DLD: variants seen among roughly 807,000 people sequenced by gnomAD.
DLD encodes dihydrolipoamide dehydrogenase.
A neutral mutation model predicts 62.2 loss-of-function variants in DLD; 36 were observed. The observed-to-expected ratio is 0.58, with a 90% CI of 0.44 to 0.76. The LOEUF is 0.76. Among genes scored for constraint, DLD ranks in the 30% least tolerant of loss-of-function variants. DLD has a pLI of 0.00. For synonymous variants in DLD, 204 were observed against 199.6 expected (o/e 1.02, Z -0.19); for missense variants, 541 against 608.6 (o/e 0.89, Z 1.17).
In DLD at chr7:107,891,300, A is replaced by C. The variant is rs2031564900; in HGVS notation, c.39+11A>C. On this transcript the variant is annotated intron_variant, in intron 1 of 13. Coordinates refer to ENST00000205402, the MANE Select transcript of DLD (RefSeq NM_000108.5). ...TGCTCCTTGGCCAAGGTGAGGGCCG[A>C]GTAGGTGAGGTCGTGTTGAGCCAGA... 6.2e-7 allele frequency: 1 copy of C among 1,613,884 alleles called. No homozygotes were observed. Among genetic ancestry groups the C allele is most frequent in the Non-Finnish European group, 8.5e-7 (1 of 1,179,902 alleles).
intron 5 of DLD, chr7:107,904,520 A>C: frequency 2.8e-6 from 1 of 361,270 alleles, no homozygotes; most frequent in South Asian, 2.2e-5. Flanking sequence ...TAGGTGATTA[A>C]ACTTTTTAAT....
In DLD at chr7:107,905,423, T is replaced by C; in HGVS notation, c.501T>C (p.Ala167=). 6.2e-7 allele frequency: 1 copy of C among 1,613,878 alleles called. No individual in the cohort carries two copies. The highest frequency in any genetic ancestry group is 8.5e-7 in the Non-Finnish European group (1 of 1,179,800). The change falls in exon 7 of 14, where the codon GCT becomes GCC. Residue 167 remains alanine, a synonymous_variant. Coordinates refer to ENST00000205402, the MANE Select transcript of DLD (RefSeq NM_000108.5). Reference sequence around the variant, plus strand: ...AAAATCAAGTCACTGCTACGAAAGCTGATGGCGGCACTCAGGTTATTGATA... The same window carrying C: ...AAAATCAAGTCACTGCTACGAAAGCCGATGGCGGCACTCAGGTTATTGATA... ...TGKNQVTATK[A]DGGTQVIDTK...
chr7:107,891,313 G>T, intron 1 of DLD, 24 bp downstream of exon 1: 1 of 1,613,870 alleles, frequency 6.2e-7, no homozygotes. Context: ...AGGTGAGGTC[G>T]TGTTGAGCCA....
rs1378589820 is a variant in DLD, at chr7:107,920,217, GACTGTTTATTTAAA to G, written c.*959_*972del. 3 of 152,290 alleles carry G rather than the reference GACTGTTTATTTAAA, an allele frequency of 2.0e-5. No homozygotes were observed. The highest frequency in any genetic ancestry group is 7.2e-5 in the African/African-American group (3 of 41,416). 9.4% of individuals were successfully genotyped at this position (152,290 alleles called of 1,614,324 possible). On this transcript the variant is annotated 3_prime_UTR_variant, in exon 14 of 14. Coordinates refer to ENST00000205402, the MANE Select transcript of DLD (RefSeq NM_000108.5). ...CTGTGTTTTCCTTGGCTGGGTTAAT[GACTGTTTATTTAAA>G]GAGTGTTGTAAAATTGGATGTGTGG... is the stretch of plus-strand genomic sequence containing the variant.
In DLD at chr7:107,919,377, T is replaced by C. The variant is rs2032354191; in HGVS notation, c.*118T>C. The C allele has an allele frequency of 4.9e-6, 4 of 816,232 alleles. No homozygotes were observed. The Admixed American group carries it at 6.7e-5, about 14-fold the overall frequency. The allele number at this position is 816,232 out of a possible 1,614,324, so 50.6% of individuals were successfully genotyped here. ...TTTCTAGGACTGAATTATGAAACTTTTGGAAGGTATTTAATAGGTTTGGAC... is the reference window on the plus strand; with the variant it reads ...TTTCTAGGACTGAATTATGAAACTTCTGGAAGGTATTTAATAGGTTTGGAC... On this transcript the variant is annotated 3_prime_UTR_variant, in exon 14 of 14. Transcript: ENST00000205402.
chr7:107,904,681 G>C (rs1225881618), intron 5 of DLD: 3 of 530,168 alleles, frequency 5.7e-6, no homozygotes, highest in Non-Finnish European at 1.1e-5. Context: ...CCATCGTAAA[G>C]TGTTCAGAGG....
In DLD at chr7:107,903,465, T is replaced by C; in HGVS notation, c.268-13T>C. 6.7e-7 allele frequency: 1 copy of C among 1,497,766 alleles called. No individual in the cohort carries two copies. Among genetic ancestry groups the C allele is most frequent in the Non-Finnish European group, 9.3e-7 (1 of 1,075,460 alleles). The allele number at this position is 1,497,766 out of a possible 1,614,324, so 92.8% of individuals were successfully genotyped here. On this transcript the variant is annotated splice_polypyrimidine_tract_variant and intron_variant, in intron 4 of 13. Coordinates refer to ENST00000205402, the MANE Select transcript of DLD (RefSeq NM_000108.5). ...TGAATATTTGATAATTTGATCTTTT[T>C]AATTTCCTTTAGGCTTTATTGAACA...
Position 107,920,641 on chromosome 7 carries a change from T to C in DLD, c.*1382T>C, listed in dbSNP as rs1277870884. On this transcript the variant is annotated 3_prime_UTR_variant, in exon 14 of 14. Coordinates refer to ENST00000205402, the MANE Select transcript of DLD (RefSeq NM_000108.5). ...TTTGGGCAGAAGGAAGTCTGCCCCT[T>C]CTGTGCCTCCTGTTTTTTGGGGGTT... The C allele has an allele frequency of 6.6e-6, 1 of 152,228 alleles. No individual in the cohort carries two copies. Among genetic ancestry groups the C allele is most frequent in the Non-Finnish European group, 1.5e-5 (1 of 68,062 alleles). The allele number at this position is 152,228 out of a possible 1,614,324, so 9.4% of individuals were successfully genotyped here. A position where few individuals can be genotyped will look rare whatever the true frequency, so the allele number is the denominator to read the frequency against.
intron 5 of DLD, 39 bp from the exon 6 acceptor site, chr7:107,904,919 A>G: frequency 1.3e-6 from 2 of 1,494,140 alleles, no homozygotes; most frequent in Non-Finnish European, 1.9e-6. Flanking sequence ...TGCTTCAAGA[A>G]TTTAGCTAAG....
At chr7:107,893,025 T>G (rs1295482206) in intron 1 of DLD, among the ~76,000 whole-genome samples, 175 bp from the exon 2 acceptor site, 4 of 152,170 alleles carry the variant, frequency 2.6e-5, no homozygotes, top group Admixed American at 6.6e-5. Context: ...TTTAAATGAT[T>G]AGTTATTGTC....
chr7:107,908,930 T>C (rs1221226510), intron 8 of DLD, among the ~76,000 whole-genome samples: 1 of 152,190 alleles, frequency 6.6e-6, no homozygotes, highest in Non-Finnish European at 1.5e-5. Context: ...TGTTTAGTAC[T>C]TAGGTCTCCT....
chr7:107,892,745 A>G (rs2031619013), intron 1 of DLD, among the ~76,000 whole-genome samples: 2 of 152,146 alleles, frequency 1.3e-5, no homozygotes, highest in South Asian at 4.1e-4. Context: ...TCGGGGCTTC[A>G]CTATGTTGGC....
intron 8 of DLD, among the ~76,000 whole-genome samples, chr7:107,914,947 A>T (rs994891202): frequency 2.6e-5 from 4 of 152,222 alleles, no homozygotes; most frequent in African/African-American, 4.8e-5. Flanking sequence ...TCAGTGATTT[A>T]GTAACCTGTT....
At chr7:107,906,234 T>C in intron 7 of DLD, 33 bp from the exon 8 acceptor site, 1 of 1,412,400 alleles carries the variant, frequency 7.1e-7, no homozygotes, top group South Asian at 1.2e-5. Flanking sequence ...TTTTTTCAAA[T>C]TATTTTGATT....
intron 2 of DLD, among the ~76,000 whole-genome samples, chr7:107,897,574 C>CTTT (rs35546358): frequency 0.027 from 3,031 of 111,314 alleles, 216 homozygotes; most frequent in African/African-American, 0.1. Flanking sequence ...TGTAGACTGA[C>CTTT]TTTTTTTTTT....
In DLD at chr7:107,903,548, G is replaced by A; in HGVS notation, c.337+1G>A. 6.4e-7 allele frequency: 1 copy of A among 1,568,144 alleles called. No individual in the cohort carries two copies. Among genetic ancestry groups the A allele is most frequent in the Non-Finnish European group, 8.8e-7 (1 of 1,139,358 alleles). On this transcript the variant is annotated splice_donor_variant, in intron 5 of 13. Coordinates refer to ENST00000205402, the MANE Select transcript of DLD (RefSeq NM_000108.5). LOFTEE classifies it high-confidence loss of function. ...GATTTTGCATCTAGAGGAATTGAAAGTAAGTATACTTTTCATGCTTAATGA... is the reference window on the plus strand; with the variant it reads ...GATTTTGCATCTAGAGGAATTGAAAATAAGTATACTTTTCATGCTTAATGA...
In DLD at chr7:107,916,803, TG is replaced by T. The variant is rs1221974912; in HGVS notation, c.886del (p.Ala296LeufsTer29). Reference sequence around the variant, plus strand: ...ACTGTTTGTTATCTAGTATTGAAGCTGCTTCTGGTGGTAAAGCTGAAGTTAT... The same window carrying T: ...ACTGTTTGTTATCTAGTATTGAAGCTCTTCTGGTGGTAAAGCTGAAGTTAT... ...DGKIDVSIEA[A>X]SGGKAEVITC... On this transcript the variant is annotated frameshift_variant, in exon 10 of 14. Transcript: ENST00000205402. LOFTEE classifies it high-confidence loss of function. 1 of 1,613,302 alleles carries T rather than the reference TG, an allele frequency of 6.2e-7. No individual in the cohort carries two copies. The highest frequency in any genetic ancestry group is 8.5e-7 in the Non-Finnish European group (1 of 1,179,894).
intron 8 of DLD, among the ~76,000 whole-genome samples, chr7:107,913,272 G>T (rs1223449608): frequency 6.6e-6 from 1 of 151,672 alleles, no homozygotes; most frequent in Non-Finnish European, 1.5e-5. Flanking sequence ...TACTTTGGCA[G>T]TTGAATATCA....
In DLD at chr7:107,919,057, A is replaced by C. The variant is rs34453495; in HGVS notation, c.1422A>C (p.Gly474=). The C allele has an allele frequency of 0.011, 18,175 of 1,613,950 alleles. 119 individuals carry two copies. Among genetic ancestry groups the C allele is most frequent in the Non-Finnish European group, 0.013 (15,692 of 1,179,858 alleles). Residue 474 remains glycine, a synonymous_variant, in exon 13 of 14, where the codon GGA becomes GGC. Transcript: ENST00000205402. ...AAGCTGCTCTTGCTTTGGAATATGG[A>C]GCATCCTGTGAAGATATAGCTAGAG... ...VNEAALALEY[G]ASCEDIARVC... is the part of the protein sequence containing the mutation.
Sources: allele counts gnomAD v4.1 joint callset (sites outside exome capture counted in the v4.1 genomes callset), GRCh38; gene constraint gnomAD v4.1.1; transcripts MANE v1.5; gene names NCBI Gene and HGNC (gene_info 2026-07-23, HGNC 2026-07-21).